Variants in SEMA3D observed in about 807,000 individuals in gnomAD.
The protein encoded by SEMA3D is semaphorin-3D.
Under a neutral mutation model 100.1 loss-of-function variants are expected in SEMA3D, and 84 were observed. The ratio of observed to expected loss-of-function variants is 0.84; its 90% CI spans 0.70 to 1.01. The LOEUF (loss-of-function observed/expected upper bound fraction) is 1.01. SEMA3D is among the 50% of genes least tolerant of loss of function. The pLI, the probability that SEMA3D is intolerant of heterozygous loss-of-function variation, is 0.00. For missense variants in SEMA3D, 875 were observed against 934.1 expected (o/e 0.94, Z 0.82); for synonymous variants, 312 against 320.7 (o/e 0.97, Z 0.29).
chr7:85,070,882 A>C (rs1378523285), intron 6 of SEMA3D, among the ~76,000 whole-genome samples: 1 of 152,118 alleles, frequency 6.6e-6, no homozygotes, highest in Non-Finnish European at 1.5e-5. Context: ...CCGAGTTCAA[A>C]CAATTTTCTT....
rs183627214 is a variant in SEMA3D at position 85,064,762 on chromosome 7, T to C, written c.718+662A>G. 9.4e-4 allele frequency among the ~76,000 whole-genome samples: 143 copies of C among 152,250 alleles called. 2 individuals carry two copies. In the East Asian group the frequency reaches 0.026, roughly 27 times the overall value. On this transcript the variant is annotated intron_variant, in intron 8 of 18. Coordinates refer to ENST00000284136, the MANE Select transcript of SEMA3D (RefSeq NM_001384900.1). ...GGGGAGTGGGGTGGAGTTAGGTGCC[T>C]TGTAGTGTTCCTTGGATTAATTAAA...
chr7:85,017,755 A>G (rs930400999), intron 15 of SEMA3D, among the ~76,000 whole-genome samples: 2 of 151,786 alleles, frequency 1.3e-5, no homozygotes, highest in Admixed American at 6.6e-5. Flanking sequence ...AGAATGTTGC[A>G]TGAAGCATCC....
At chr7:85,089,793 A>G (rs1360545772) in intron 4 of SEMA3D, among the ~76,000 whole-genome samples, 1 of 152,130 alleles carries the variant, frequency 6.6e-6, no homozygotes, top group Admixed American at 6.6e-5. Flanking sequence ...CAGGAGGCTG[A>G]GGTGAGAGGA....
intron 3 of SEMA3D, among the ~76,000 whole-genome samples, chr7:85,106,461 G>A (rs185182686): frequency 3.3e-5 from 5 of 151,778 alleles, no homozygotes; most frequent in Non-Finnish European, 7.4e-5. Context: ...ATAAATTAAG[G>A]AATAAAGCAA....
intron 1 of SEMA3D, among the ~76,000 whole-genome samples, chr7:85,162,244 A>T (rs1790767615): frequency 6.6e-6 from 1 of 152,136 alleles, no homozygotes; most frequent in South Asian, 2.1e-4. Flanking sequence ...CAACTGCCCA[A>T]CAAGTGATCC....
At chr7:85,172,530 G>C (rs1008430297) in intron 1 of SEMA3D, among the ~76,000 whole-genome samples, 2 of 151,932 alleles carry the variant, frequency 1.3e-5, no homozygotes, top group Non-Finnish European at 2.9e-5. Context: ...AAAGCAGCAT[G>C]GAACAAAGAT....
rs1791175168 is a variant in SEMA3D, at chr7:85,051,880, A to G, written c.861+3837T>C. On this transcript the variant is annotated intron_variant, in intron 9 of 18. Transcript: ENST00000284136. ...ACTTGTCTACAGGGTAGGTATCAAA[A>G]TCTCTATGATAGGAGCAAGAGAATT... Among the ~76,000 whole-genome samples the G allele has an allele frequency of 2.6e-5, 4 of 151,902 alleles. No individual in the cohort carries two copies. In the South Asian group the frequency reaches 8.3e-4, roughly 32 times the overall value.
At chr7:85,016,250 C>CTTT (rs59812080) in intron 15 of SEMA3D, among the ~76,000 whole-genome samples, 1 of 128,770 alleles carries the variant, frequency 7.8e-6, no homozygotes, top group Non-Finnish European at 1.7e-5. Context: ...TTTGTGATTC[C>CTTT]TTTTTTTTTT....
intron 4 of SEMA3D, among the ~76,000 whole-genome samples, chr7:85,093,128 G>T (rs189163544): frequency 6.6e-6 from 1 of 151,756 alleles, no homozygotes; most frequent in Non-Finnish European, 1.5e-5. Flanking sequence ...TTGTTAAATT[G>T]AAAAAGAAAA....
At chr7:85,059,015 C>T (rs1206866437) in intron 8 of SEMA3D, among the ~76,000 whole-genome samples, 1 of 152,064 alleles carries the variant, frequency 6.6e-6, no homozygotes, top group African/African-American at 2.4e-5. Context: ...AATGCATAGC[C>T]ATGATTTTTC....
intron 2 of SEMA3D, among the ~76,000 whole-genome samples, chr7:85,137,708 G>A (rs969004249): frequency 2.0e-5 from 3 of 152,108 alleles, no homozygotes; most frequent in African/African-American, 7.2e-5. Flanking sequence ...TCTCTAATTT[G>A]AAATATAAAC....
intron 4 of SEMA3D, among the ~76,000 whole-genome samples, chr7:85,091,866 A>G (rs949648404): frequency 2.0e-5 from 3 of 152,140 alleles, no homozygotes; most frequent in South Asian, 2.1e-4. Flanking sequence ...TCTTTTATAT[A>G]CTTTCTCTGA....
chr7:85,125,546 A>C (rs897720484), intron 2 of SEMA3D, among the ~76,000 whole-genome samples: 5 of 152,088 alleles, frequency 3.3e-5, no homozygotes, highest in African/African-American at 1.2e-4. Flanking sequence ...ACGTGTGCTG[A>C]ACCTGTACTT....
intron 8 of SEMA3D, among the ~76,000 whole-genome samples, chr7:85,062,903 G>A (rs1791515737): frequency 6.6e-6 from 1 of 152,132 alleles, no homozygotes; most frequent in Admixed American, 6.6e-5. Context: ...ATGAAGTGTA[G>A]AGGGAGAGAA....
At position 85,142,529 on chromosome 7, in the gene SEMA3D, G is replaced by A. The variant is rs373520084; in HGVS notation, c.-41+11079C>T. 53 of 983,546 alleles carry A rather than the reference G, an allele frequency of 5.4e-5. No individual in the cohort carries two copies. The East Asian group carries it at 2.7e-3, about 51-fold the overall frequency. 60.9% of individuals were successfully genotyped at this position (983,546 alleles called of 1,614,324 possible). On this transcript the variant is annotated intron_variant, in intron 2 of 18. Transcript: ENST00000284136. ...ATTTAATCATTCTCCATGGTAATAT[G>A]GTATTTTCCCCAATTTGCATTGGAT...
chr7:85,184,690 C>T (rs34782285), intron 1 of SEMA3D, among the ~76,000 whole-genome samples: 24 of 152,208 alleles, frequency 1.6e-4, no homozygotes, highest in Non-Finnish European at 2.9e-4. Flanking sequence ...CAATTCGAAT[C>T]AGTACTGTTT....
At chr7:85,180,578 T>G (rs1419682976) in intron 1 of SEMA3D, among the ~76,000 whole-genome samples, 1 of 152,228 alleles carries the variant, frequency 6.6e-6, no homozygotes, top group Non-Finnish European at 1.5e-5. Context: ...TACAGAAACA[T>G]TGAGCAAATA....
At chr7:85,057,004 CATTATCATTACGA>C in intron 8 of SEMA3D, among the ~76,000 whole-genome samples, 2 of 150,788 alleles carry the variant, frequency 1.3e-5, no homozygotes, top group South Asian at 4.2e-4. Context: ...GGCTGATAAG[CATTATCATTACGA>C]TGACAATATA....
At chr7:85,011,884 C>T (rs1408257069) in intron 17 of SEMA3D, among the ~76,000 whole-genome samples, 2 of 151,678 alleles carry the variant, frequency 1.3e-5, no homozygotes, top group Admixed American at 6.6e-5. Context: ...TTATTTACAT[C>T]ACTGGTAGGG....
Sources: allele counts gnomAD v4.1 joint callset (sites outside exome capture counted in the v4.1 genomes callset), GRCh38; gene constraint gnomAD v4.1.1; transcripts MANE v1.5; gene names NCBI Gene and HGNC (gene_info 2026-07-23, HGNC 2026-07-21).